ATP23: variants seen among roughly 807,000 people sequenced by gnomAD.
ATP23 encodes the protein ATP23 metallopeptidase and ATP synthase assembly factor homolog.
ATP23 carries 24 observed loss-of-function variants against 28.5 expected under a neutral mutation model. The ratio of observed to expected loss-of-function variants is 0.84; its 90% confidence interval spans 0.61 to 1.18. The LOEUF (loss-of-function observed/expected upper bound fraction) is 1.18. ATP23 is among the 50% of genes most tolerant of loss of function. The pLI, the probability that ATP23 is intolerant of heterozygous loss-of-function variation, is 0.00. For synonymous variants in ATP23, 99 were observed against 108.6 expected (o/e 0.91, Z 0.55); for missense variants, 274 against 306.4 (o/e 0.89, Z 0.79).
chr12:57,947,413 G>A (rs941673295), intron 3 of ATP23, among the ~76,000 whole-genome samples: 1 of 152,144 alleles, frequency 6.6e-6, no homozygotes, highest in Non-Finnish European at 1.5e-5. Flanking sequence ...GGCAGAGCAG[G>A]GACAGAGCAG....
At chr12:57,951,683 A>G (rs944096866) in intron 3 of ATP23, 75 bp from the exon 4 acceptor site, 1 of 1,545,262 alleles carries the variant, frequency 6.5e-7, no homozygotes. Flanking sequence ...AGGTGAGGTC[A>G]TGTGGGAGAG....
chr12:57,950,198 T>C (rs1414859147), intron 3 of ATP23, among the ~76,000 whole-genome samples: 1 of 152,192 alleles, frequency 6.6e-6, no homozygotes, highest in Non-Finnish European at 1.5e-5. Flanking sequence ...TGTTTCAACA[T>C]TCCCTTTATC....
chr12:57,942,392 C>CGT (rs995232741), intron 1 of ATP23, among the ~76,000 whole-genome samples: 5 of 150,618 alleles, frequency 3.3e-5, no homozygotes, highest in Non-Finnish European at 5.9e-5. Context: ...TCTGTGAAAT[C>CGT]GTGTGTATGT....
chr12:57,941,931 C>T (rs1319725313), intron 1 of ATP23, 43 bp downstream of exon 1: 1 of 1,595,332 alleles, frequency 6.3e-7, no homozygotes, highest in Non-Finnish European at 8.5e-7. Context: ...CAGAATGGGT[C>T]TGAGACCGGG....
At position 57,947,093 on chromosome 12, in the gene ATP23, A is replaced by T; in HGVS notation, c.315+17A>T. 1 of 1,610,476 alleles carries T rather than the reference A, an allele frequency of 6.2e-7. No individual in the cohort carries two copies. Among genetic ancestry groups the T allele is most frequent in the East Asian group, 2.2e-5 (1 of 44,828 alleles). ...ACATCTCAGGTAGGCATTATTGCCAAATTGTTTCCTTCCCTTTAATCCTCT... is the reference window on the plus strand; with the variant it reads ...ACATCTCAGGTAGGCATTATTGCCATATTGTTTCCTTCCCTTTAATCCTCT... On this transcript the variant is annotated intron_variant, in intron 3 of 5. Coordinates refer to ENST00000300145, the MANE Select transcript of ATP23 (RefSeq NM_033276.4).
intron 5 of ATP23, among the ~76,000 whole-genome samples, chr12:57,956,139 A>T (rs1362446850): frequency 2.0e-5 from 3 of 152,132 alleles, no homozygotes; most frequent in Non-Finnish European, 4.4e-5. Context: ...AGGAAAAAAA[A>T]GTTGTTTAAT....
In ATP23 at chr12:57,956,824, C is replaced by T. The variant is rs1293738305; in HGVS notation, c.675C>T (p.Asn225=). ...DHEPFGRIPH[N]KTYARYAHRD... ...AACCTTTTGGAAGGATCCCACATAACAAGACTTATGCAAGATATGCTCACA... is the reference window on the plus strand; with the variant it reads ...AACCTTTTGGAAGGATCCCACATAATAAGACTTATGCAAGATATGCTCACA... Residue 225 remains asparagine, a synonymous_variant, in exon 6 of 6, where the codon AAC becomes AAT. Transcript: ENST00000300145. The T allele has an allele frequency of 1.2e-6, 2 of 1,613,708 alleles. No individual in the cohort carries two copies. Among genetic ancestry groups the T allele is most frequent in the African/African-American group, 2.7e-5 (2 of 74,884 alleles).
At chr12:57,945,819 C>A in intron 2 of ATP23, 146 bp downstream of exon 2, 2 of 694,058 alleles carry the variant, frequency 2.9e-6, no homozygotes, top group South Asian at 1.8e-5. Context: ...GCTGCATTGT[C>A]TCCGGGCTGG....
chr12:57,947,028 A>T lies in ATP23; in HGVS notation c.267A>T (p.Glu89Asp). ...AVNKDRHFSC[E>D]DCNGNVSGGF... The stretch of plus-strand genomic sequence containing the variant: ...ACAAAGATAGACACTTTTCTTGCGA[A>T]GACTGTAATGGAAATGTCAGTGGAG... The change falls in exon 3 of 6, where the codon GAA becomes GAT. Residue 89 changes from glutamate to aspartate, a missense_variant. Physicochemically the swap from Glu to Asp is conservative, Grantham distance 45 (BLOSUM62 2). Transcript: ENST00000300145. The T allele has an allele frequency of 6.2e-7, 1 of 1,614,076 alleles. No individual in the cohort carries two copies.
intron 3 of ATP23, among the ~76,000 whole-genome samples, chr12:57,947,292 A>G (rs928474211): frequency 1.1e-4 from 17 of 152,348 alleles, no homozygotes; most frequent in African/African-American, 4.1e-4. Flanking sequence ...TAATTATAAA[A>G]TGAGGCAAGC....
intron 3 of ATP23, 51 bp from the exon 4 acceptor site, chr12:57,951,707 T>C (rs1260053286): frequency 6.2e-7 from 1 of 1,603,156 alleles, no homozygotes; most frequent in South Asian, 1.1e-5. Context: ...ATCGAGTCTA[T>C]GGAAGGAGAT....
At position 57,958,766 on chromosome 12, in the gene ATP23, G is replaced by A. The variant is rs563211485; in HGVS notation, c.*1876G>A. The stretch of plus-strand genomic sequence containing the variant: ...TCAGCCCTAGACCTTCCCTTTGACA[G>A]AGACTACCCAAATGAGAAGGAACCA... On this transcript the variant is annotated 3_prime_UTR_variant, in exon 6 of 6. Coordinates refer to ENST00000300145, the MANE Select transcript of ATP23 (RefSeq NM_033276.4). 3.3e-5 allele frequency among the ~76,000 whole-genome samples: 5 copies of A among 152,334 alleles called. No individual in the cohort carries two copies. Among genetic ancestry groups the A allele is most frequent in the Admixed American group, 3.3e-4 (5 of 15,304 alleles).
At chr12:57,945,381 T>G (rs1449893227) in intron 1 of ATP23, among the ~76,000 whole-genome samples, 1 of 152,164 alleles carries the variant, frequency 6.6e-6, no homozygotes, top group Non-Finnish European at 1.5e-5. Flanking sequence ...TACAGGCGTG[T>G]GCCACCATGC....
In ATP23 at chr12:57,956,781, CT is replaced by C. The variant is rs756103153; in HGVS notation, c.634del (p.Cys212ValfsTer65). On this transcript the variant is annotated frameshift_variant, in exon 6 of 6. Coordinates refer to ENST00000300145, the MANE Select transcript of ATP23 (RefSeq NM_033276.4). LOFTEE classifies it high-confidence loss of function. ...AAGGCTGTTGATGAAGTTTTTGAAT[CT>C]TGTTTCAATGACCATGAACCTTTTG... ...AKKAVDEVFE[S>X]CFNDHEPFGR... 14 of 1,613,926 alleles carry C rather than the reference CT, an allele frequency of 8.7e-6. No homozygotes were observed. Among genetic ancestry groups the C allele is most frequent in the Non-Finnish European group, 1.2e-5 (14 of 1,179,926 alleles).
chr12:57,956,589 AAATTAATTTT>A, intron 5 of ATP23, 88 bp from the exon 6 acceptor site: 1 of 923,386 alleles, frequency 1.1e-6, no homozygotes, highest in South Asian at 2.2e-5. Flanking sequence ...TAATATGAGG[AAATTAATTTT>A]AATTAATTCA....
rs2140523886 is a variant in ATP23 at position 57,941,763 on chromosome 12, A to T, written c.62A>T (p.Gln21Leu). Residue 21 changes from glutamine to leucine, a missense_variant, in exon 1 of 6, where the codon CAA becomes CTA. Coordinates refer to ENST00000300145, the MANE Select transcript of ATP23 (RefSeq NM_033276.4). ...GPAAGEQLQQ[Q>L]HVSCQVFPER... is the part of the protein sequence containing the mutation. The stretch of plus-strand genomic sequence containing the variant: ...GCGGCAGGGGAGCAGCTGCAGCAGC[A>T]ACACGTCTCTTGCCAGGTCTTCCCC... 1 of 1,600,728 alleles carries T rather than the reference A, an allele frequency of 6.2e-7. No individual in the cohort carries two copies. The highest frequency in any genetic ancestry group is 1.1e-5 in the South Asian group (1 of 89,206).
chr12:57,957,145 A>G lies in ATP23; in HGVS notation c.*255A>G. 3.0e-6 allele frequency: 1 copy of G among 335,554 alleles called. No individual in the cohort carries two copies. The highest frequency in any genetic ancestry group is 5.3e-6 in the Non-Finnish European group (1 of 188,778). The allele number at this position is 335,554 out of a possible 1,614,324, so 20.8% of individuals were successfully genotyped here. ...TACATTACATTTTTGTATTTTAGTCATTTGTTTTTATTACATGTGATTATT... is the reference window on the plus strand; with the variant it reads ...TACATTACATTTTTGTATTTTAGTCGTTTGTTTTTATTACATGTGATTATT... On this transcript the variant is annotated 3_prime_UTR_variant, in exon 6 of 6. Transcript: ENST00000300145.
At position 57,941,760 on chromosome 12, in the gene ATP23, A is replaced by G; in HGVS notation, c.59A>G (p.Gln20Arg). ...RGPAAGEQLQ[Q>R]QHVSCQVFPE... ...CCCGCGGCAGGGGAGCAGCTGCAGC[A>G]GCAACACGTCTCTTGCCAGGTCTTC... The change falls in exon 1 of 6, where the codon CAG (glutamine) becomes CGG (arginine). Residue 20 changes from glutamine to arginine, a missense_variant. Gln to Arg is a conservative substitution (Grantham distance 43). Transcript: ENST00000300145. The G allele has an allele frequency of 1.9e-6, 3 of 1,600,114 alleles. No individual in the cohort carries two copies. Among genetic ancestry groups the G allele is most frequent in the Non-Finnish European group, 2.6e-6 (3 of 1,174,034 alleles).
Position 57,941,738 on chromosome 12 carries a change from G to C in ATP23, c.37G>C (p.Ala13Pro), listed in dbSNP as rs369268420. The change falls in exon 1 of 6, where the codon GCG (alanine) becomes CCG (proline). Residue 13 changes from alanine (A) to proline (P), a missense_variant. Physicochemically the swap from Ala to Pro is conservative, Grantham distance 27. Coordinates refer to ENST00000300145, the MANE Select transcript of ATP23 (RefSeq NM_033276.4). ...TCCGGACGAGCGCCGGCGGGGCCCC[G>C]CGGCAGGGGAGCAGCTGCAGCAGCA... Reference protein sequence around the residue: ...GAPDERRRGPAAGEQLQQQHV... With the variant: ...GAPDERRRGPPAGEQLQQQHV... 6.3e-7 allele frequency: 1 copy of C among 1,595,908 alleles called. No homozygotes were observed. The highest frequency in any genetic ancestry group is 8.5e-7 in the Non-Finnish European group (1 of 1,172,392).
Sources: gnomAD v4.1 joint callset for allele counts (sites outside exome capture counted in the v4.1 genomes callset) on GRCh38, gnomAD v4.1.1 for gene constraint, MANE v1.5 for transcripts, NCBI Gene and HGNC (gene_info 2026-07-23, HGNC 2026-07-21) for gene names.